DPP6: variants seen among roughly 807,000 people sequenced by gnomAD.
The protein encoded by DPP6 is dipeptidyl peptidase like 6.
DPP6 carries 69 observed loss-of-function variants against 122.6 expected under a neutral mutation model. The observed-to-expected ratio is 0.56, with a 90% CI of 0.46 to 0.69. The LOEUF (loss-of-function observed/expected upper bound fraction) is 0.69. DPP6 is among the 30% of genes least tolerant of loss of function. DPP6 has a pLI of 0.00. For synonymous variants in DPP6, 418 were observed against 433.1 expected (o/e 0.97, Z 0.43); for missense variants, 928 against 1,116.9 (o/e 0.83, Z 2.41).
intron 1 of DPP6, among the ~76,000 whole-genome samples, chr7:154,060,350 G>A (rs1801580121): frequency 7.5e-6 from 1 of 132,936 alleles, no homozygotes; most frequent in African/African-American, 2.9e-5. Flanking sequence ...CCCCCCGCGA[G>A]GCAGGGACTG....
chr7:153,853,929 G>A, the DPP6 span, among the ~76,000 whole-genome samples: 1 of 149,538 alleles, frequency 6.7e-6, no homozygotes, highest in African/African-American at 2.5e-5. Flanking sequence ...CCATGCCTAT[G>A]TCCTGAATGG....
chr7:153,857,532 G>A, the DPP6 span, among the ~76,000 whole-genome samples: 1 of 152,256 alleles, frequency 6.6e-6, no homozygotes, highest in East Asian at 1.9e-4. Context: ...TAGGAACAAA[G>A]CCATGATTCT....
At chr7:153,878,066 G>A in the DPP6 span, among the ~76,000 whole-genome samples, 8 of 152,056 alleles carry the variant, frequency 5.3e-5, no homozygotes, top group African/African-American at 9.7e-5. Context: ...CCCGTATACC[G>A]TCATCAGAAA....
intron 1 of DPP6, among the ~76,000 whole-genome samples, chr7:154,440,446 A>C (rs936493478): frequency 6.6e-6 from 1 of 152,186 alleles, no homozygotes; most frequent in Non-Finnish European, 1.5e-5. Flanking sequence ...TGCTAAGTAC[A>C]TGCAATGCTT....
intron 10 of DPP6, among the ~76,000 whole-genome samples, chr7:154,780,812 G>T (rs1048160063): frequency 6.6e-6 from 1 of 152,222 alleles, no homozygotes; most frequent in Admixed American, 6.5e-5. Context: ...GAGGAAACAG[G>T]TTGAGTCCAT....
chr7:154,633,255 G>A (rs1163339138), intron 5 of DPP6, among the ~76,000 whole-genome samples: 1 of 151,336 alleles, frequency 6.6e-6, no homozygotes, highest in African/African-American at 2.4e-5. Flanking sequence ...TTTAGTTTTT[G>A]AGATGAAGTC....
chr7:154,750,231 T>A (rs1843306052), intron 8 of DPP6, among the ~76,000 whole-genome samples: 1 of 152,178 alleles, frequency 6.6e-6, no homozygotes. Flanking sequence ...AGGCAGAACC[T>A]ATCCGTAGAT....
chr7:153,805,509 A>C, the DPP6 span, among the ~76,000 whole-genome samples: 5 of 152,316 alleles, frequency 3.3e-5, no homozygotes, highest in South Asian at 1.0e-3. Flanking sequence ...TGCAATAAAC[A>C]TACATGTGCA....
At chr7:154,180,280 G>A (rs895767383) in intron 1 of DPP6, among the ~76,000 whole-genome samples, 1 of 151,430 alleles carries the variant, frequency 6.6e-6, no homozygotes, top group Non-Finnish European at 1.5e-5. Context: ...CCCGGGAGGT[G>A]GAGGCTGCAG....
intron 1 of DPP6, among the ~76,000 whole-genome samples, chr7:153,972,373 T>A (rs1796067446): frequency 6.6e-6 from 1 of 151,988 alleles, no homozygotes; most frequent in Non-Finnish European, 1.5e-5. Context: ...CAGGCACCAG[T>A]GTTCTGTGAA....
intron 1 of DPP6, among the ~76,000 whole-genome samples, chr7:153,965,249 A>G (rs1251178073): frequency 1.3e-5 from 2 of 151,960 alleles, no homozygotes; most frequent in Non-Finnish European, 2.9e-5. Context: ...CACATTTGAG[A>G]ATGGGTTGCC....
intron 1 of DPP6, among the ~76,000 whole-genome samples, chr7:154,333,511 G>A (rs1809135425): frequency 1.3e-5 from 2 of 152,114 alleles, no homozygotes; most frequent in South Asian, 4.1e-4. Context: ...GCATTTAGAT[G>A]GTTTAAAGCA....
At chr7:153,846,211 T>TTA in the DPP6 span, among the ~76,000 whole-genome samples, 1 of 152,226 alleles carries the variant, frequency 6.6e-6, no homozygotes, top group African/African-American at 2.4e-5. Flanking sequence ...CTCTGATAAC[T>TTA]TATAATGTCA....
intron 1 of DPP6, among the ~76,000 whole-genome samples, chr7:154,330,291 G>A (rs758999875): frequency 6.6e-6 from 1 of 152,196 alleles, no homozygotes; most frequent in Non-Finnish European, 1.5e-5. Context: ...GATGGCAGAG[G>A]CTTTCATGTC....
chr7:154,659,634 C>T (rs555991658), intron 6 of DPP6, among the ~76,000 whole-genome samples: 3 of 152,314 alleles, frequency 2.0e-5, no homozygotes, highest in South Asian at 4.1e-4. Flanking sequence ...TGCCTCAAGC[C>T]CTTTGCTTCT....
At chr7:154,336,409 G>A (rs1809427287) in intron 1 of DPP6, among the ~76,000 whole-genome samples, 1 of 152,148 alleles carries the variant, frequency 6.6e-6, no homozygotes, top group African/African-American at 2.4e-5. Context: ...GAGAGGAGTG[G>A]TGATAGCAGC....
intron 4 of DPP6, among the ~76,000 whole-genome samples, chr7:154,542,423 A>C (rs114272295): frequency 0.013 from 2,015 of 152,290 alleles, 43 homozygotes; most frequent in East Asian, 0.07. Context: ...ATTTCCTGTG[A>C]GGATGTCAGT....
chr7:154,130,978 A>T lies in DPP6; in HGVS notation c.243+77915A>T, dbSNP rs529357533. On this transcript the variant is annotated intron_variant, in intron 1 of 25. Transcript: ENST00000377770. ...TGCAGGTGTAGTGAGAGTCAACATG[A>T]ACATAAACCAGGCAGTTCGTCAGTG... Among the ~76,000 whole-genome samples, 8 of 152,246 alleles carry T rather than the reference A, an allele frequency of 5.3e-5. No homozygotes were observed. In the South Asian group the frequency reaches 1.7e-3, roughly 32 times the overall value.
At chr7:154,475,224 C>CT (rs1240705372) in intron 3 of DPP6, 187 bp downstream of exon 3, 9 of 589,868 alleles carry the variant, frequency 1.5e-5, no homozygotes, top group South Asian at 8.7e-5. Context: ...TAAAATCAGG[C>CT]TTTTGTAATG....
Sources: gnomAD v4.1 joint callset for allele counts (sites outside exome capture counted in the v4.1 genomes callset) on GRCh38, gnomAD v4.1.1 for gene constraint, MANE v1.5 for transcripts, NCBI Gene and HGNC (gene_info 2026-07-23, HGNC 2026-07-21) for gene names.